The following SP7 variants were observed in gnomAD, a reference collection of about 807,000 sequenced individuals.
SP7 encodes transcription factor Sp7.
In SP7, 13 loss-of-function variants were observed where a neutral mutation model predicts 27.9. The observed-to-expected ratio is 0.47, with a 90% CI of 0.30 to 0.74. The LOEUF (loss-of-function observed/expected upper bound fraction) is 0.74, where lower values mean the gene tolerates loss of function less well. Among genes scored for constraint, SP7 ranks in the 30% least tolerant of loss-of-function variants. The pLI, the probability that SP7 is intolerant of heterozygous loss-of-function variation, is 0.06. For missense variants in SP7, 525 were observed against 558.0 expected, an observed-to-expected ratio of 0.94 and a Z score of 0.60; for synonymous variants, 219 against 226.7, an observed-to-expected ratio of 0.97 and a Z score of 0.31.
chr12:53,338,527 AAGG>A (rs1196644270), upstream of SP7, among the ~76,000 whole-genome samples: 2 of 152,122 alleles, frequency 1.3e-5, no homozygotes, highest in African/African-American at 2.4e-5. Flanking sequence ...TGAAGGGGAA[AAGG>A]AGGAAGGATG....
At chr12:53,332,568 AC>A (rs1404513911) in intron 2 of SP7, among the ~76,000 whole-genome samples, 1 of 152,158 alleles carries the variant, frequency 6.6e-6, no homozygotes, top group African/African-American at 2.4e-5. Flanking sequence ...ACACAGCAAG[AC>A]CCTGTCTCAA....
At chr12:53,343,142 A>C (rs1277443476) in intron 1 of SP7, among the ~76,000 whole-genome samples, 5 of 144,778 alleles carry the variant, frequency 3.5e-5, no homozygotes, top group Non-Finnish European at 1.5e-5. Context: ...CAAAAAATAC[A>C]AAAAAAAAAA....
At position 53,329,283 on chromosome 12, in the gene SP7, G is replaced by A. The variant is rs374542718; in HGVS notation, c.159C>T (p.Asp53=). The A allele has an allele frequency of 3.7e-6, 6 of 1,613,852 alleles. 1 individual carries two copies. The Admixed American group carries it at 5.0e-5, about 13-fold the overall frequency. The change falls in exon 3 of 3, where the codon GAC becomes GAT. Residue 53 remains aspartate, a synonymous_variant. Transcript: ENST00000536324. ...CCCCCATGGTTTTGGAGGCTGAAAG[G>A]TCACTGCCCACAGAGTACGGCTTCT... ...GTKKPYSVGS[D]LSASKTMGDA... is the part of the protein sequence containing the mutation.
In SP7 at chr12:53,334,331, TACACACAC is replaced by T. The variant is rs57611228; in HGVS notation, c.21+1287_21+1294del. On this transcript the variant is annotated intron_variant, in intron 2 of 2. Coordinates refer to ENST00000536324, the MANE Select transcript of SP7 (RefSeq NM_001173467.3). ...CTCACAGCACTCAGATGGCCCAACT[TACACACAC>T]ACACACACACACACACACACACACA... 5.3e-3 allele frequency among the ~76,000 whole-genome samples: 738 copies of T among 139,562 alleles called. 2 individuals are homozygous for T. Among genetic ancestry groups the T allele is most frequent in the South Asian group, 0.031 (126 of 4,120 alleles). The allele number at this position is 139,562 out of a possible 152,430, so 91.6% of individuals were successfully genotyped here.
chr12:53,327,921 C>A lies in SP7; in HGVS notation c.*225G>T. Reference sequence around the variant, plus strand: ...CAGGTATCAGGCACAAGGGGAGGGCCTGAGATGAGAGTTTGTGGAAAGCCA... The same window carrying A: ...CAGGTATCAGGCACAAGGGGAGGGCATGAGATGAGAGTTTGTGGAAAGCCA... On this transcript the variant is annotated 3_prime_UTR_variant, in exon 3 of 3. Coordinates refer to ENST00000536324, the MANE Select transcript of SP7 (RefSeq NM_001173467.3). 1 of 533,708 alleles carries A rather than the reference C, an allele frequency of 1.9e-6. No individual in the cohort carries two copies. The highest frequency in any genetic ancestry group is 3.1e-5 in the East Asian group (1 of 31,992). 33.1% of individuals were successfully genotyped at this position (533,708 alleles called of 1,614,324 possible). A position where few individuals can be genotyped will look rare whatever the true frequency, so the allele number is the denominator to read the frequency against.
chr12:53,330,194 G>T (rs942723280), intron 2 of SP7, among the ~76,000 whole-genome samples: 1 of 151,952 alleles, frequency 6.6e-6, no homozygotes, highest in African/African-American at 2.4e-5. Context: ...GATTACAGCC[G>T]CACGCCACCA....
At chr12:53,343,718 T>TGTG (rs1284135312) in intron 1 of SP7, among the ~76,000 whole-genome samples, 1 of 152,002 alleles carries the variant, frequency 6.6e-6, no homozygotes, top group Non-Finnish European at 1.5e-5. Flanking sequence ...CCAAGCAAGA[T>TGTG]GTGGGAAGGT....
intron 1 of SP7, among the ~76,000 whole-genome samples, chr12:53,343,648 T>C (rs2136856349): frequency 6.6e-6 from 1 of 152,280 alleles, no homozygotes; most frequent in Non-Finnish European, 1.5e-5. Context: ...TGCCTAGCAG[T>C]ATTGTCACAG....
chr12:53,334,373 C>T (rs561994766), intron 2 of SP7, among the ~76,000 whole-genome samples: 34 of 151,344 alleles, frequency 2.2e-4, no homozygotes, highest in African/African-American at 8.3e-4. Context: ...CACACACACA[C>T]ACTCTCAGGG....
At position 53,329,381 on chromosome 12, in the gene SP7, T is replaced by G. The variant is rs1225834972; in HGVS notation, c.61A>C (p.Thr21Pro). 6.2e-7 allele frequency: 1 copy of G among 1,613,928 alleles called. No homozygotes were observed. Among genetic ancestry groups the G allele is most frequent in the Admixed American group, 1.7e-5 (1 of 60,012 alleles). Residue 21 changes from threonine (T) to proline (P), a missense_variant, in exon 3 of 3, where the codon ACG becomes CCG. By Grantham distance (38) the Thr-to-Pro change is conservative (BLOSUM62 -1). Transcript: ENST00000536324. Reference protein sequence around the residue: ...HYGSSPLAMLTAACSKFGGSS... With the variant: ...HYGSSPLAMLPAACSKFGGSS... ...CCACCAAATTTGCTGCACGCTGCCG[T>G]CAGCATGGCCAGGGGACTGGAGCCA...
At chr12:53,334,971 CAAGCGG>C (rs1208519891) in intron 2 of SP7, among the ~76,000 whole-genome samples, 2 of 152,206 alleles carry the variant, frequency 1.3e-5, no homozygotes, top group African/African-American at 4.8e-5. Context: ...GTAAGCCGGG[CAAGCGG>C]CCTCAGACCC....
Position 53,327,934 on chromosome 12 carries a change from T to C in SP7, c.*212A>G, listed in dbSNP as rs1944650814. 3.7e-6 allele frequency: 2 copies of C among 541,878 alleles called. No individual in the cohort carries two copies. Among genetic ancestry groups the C allele is most frequent in the Non-Finnish European group, 6.4e-6 (2 of 311,480 alleles). The allele number at this position is 541,878 out of a possible 1,614,324, so 33.6% of individuals were successfully genotyped here. A position where few individuals can be genotyped will look rare whatever the true frequency, so the allele number is the denominator to read the frequency against. ...CAAGGGGAGGGCCTGAGATGAGAGT[T>C]TGTGGAAAGCCAGTCTCATGGTGAA... On this transcript the variant is annotated 3_prime_UTR_variant, in exon 3 of 3. Coordinates refer to ENST00000536324, the MANE Select transcript of SP7 (RefSeq NM_001173467.3).
At chr12:53,331,702 C>T (rs535014667) in intron 2 of SP7, among the ~76,000 whole-genome samples, 1 of 152,184 alleles carries the variant, frequency 6.6e-6, no homozygotes, top group Admixed American at 6.5e-5. Context: ...CAAAATCTAC[C>T]CCTATACAGT....
Position 53,329,075 on chromosome 12 carries a change from G to A in SP7, c.367C>T (p.Pro123Ser). The change falls in exon 3 of 3, where the codon CCC becomes TCC. Residue 123 changes from proline to serine, a missense_variant. Coordinates refer to ENST00000536324, the MANE Select transcript of SP7 (RefSeq NM_001173467.3). ...PKGHSSSDCL[P>S]SVYTSLDMTH... The stretch of plus-strand genomic sequence containing the variant: ...ATGTCCAGAGAGGTGTAGACACTGG[G>A]CAGACAGTCAGAAGAGCTGTGCCCC... 3 of 1,613,848 alleles carry A rather than the reference G, an allele frequency of 1.9e-6. No homozygotes were observed. Among genetic ancestry groups the A allele is most frequent in the Non-Finnish European group, 2.5e-6 (3 of 1,179,882 alleles).
At chr12:53,342,260 T>A (rs1944830844) in intron 1 of SP7, among the ~76,000 whole-genome samples, 2 of 146,276 alleles carry the variant, frequency 1.4e-5, no homozygotes, top group Admixed American at 1.4e-4. Context: ...AGACTCCATT[T>A]AAAAAAAAAA....
rs1003913446 is a variant in SP7, at chr12:53,328,620, A to G, written c.822T>C (p.Asn274=). The change falls in exon 3 of 3, where the codon AAT becomes AAC. Residue 274 remains asparagine (N), a synonymous_variant. Coordinates refer to ENST00000536324, the MANE Select transcript of SP7 (RefSeq NM_001173467.3). The surrounding 1 kb of genome is among the most constrained non-coding windows in gnomAD (Gnocchi z 5.1). ...GAGRSSCDCP[N]CQELERLGAA... ...CTCCCAGCCGCTCTAGCTCCTGGCA[A>G]TTAGGGCAGTCGCAGGAGGAGCGCC... 6 of 1,610,366 alleles carry G rather than the reference A, an allele frequency of 3.7e-6. No individual in the cohort carries two copies. Among genetic ancestry groups the G allele is most frequent in the Non-Finnish European group, 5.1e-6 (6 of 1,177,234 alleles).
intron 2 of SP7, among the ~76,000 whole-genome samples, chr12:53,331,199 C>T (rs748842341): frequency 6.6e-6 from 1 of 152,194 alleles, no homozygotes; most frequent in Non-Finnish European, 1.5e-5. Context: ...TAGCCAGGCG[C>T]GGTGGCTCAC....
Position 53,328,082 on chromosome 12 carries a change from A to C in SP7, c.*64T>G. ...GGGGTAAAGAGAGTGATTGGCAAGC[A>C]GTGGTCTAGAGAGCCAAGAGAGACT... On this transcript the variant is annotated 3_prime_UTR_variant, in exon 3 of 3. Coordinates refer to ENST00000536324, the MANE Select transcript of SP7 (RefSeq NM_001173467.3). This position sits in a 1 kb window ranked among gnomAD's most constrained non-coding sequence, Gnocchi z 5.1. 1.4e-6 allele frequency: 2 copies of C among 1,438,528 alleles called. No individual in the cohort carries two copies. Among genetic ancestry groups the C allele is most frequent in the Non-Finnish European group, 1.9e-6 (2 of 1,075,242 alleles). The allele number at this position is 1,438,528 out of a possible 1,614,324, so 89.1% of individuals were successfully genotyped here. A position where few individuals can be genotyped will look rare whatever the true frequency, so the allele number is the denominator to read the frequency against.
In SP7 at chr12:53,328,087, T is replaced by A. The variant is rs140159335; in HGVS notation, c.*59A>T. ...AAAGAGAGTGATTGGCAAGCAGTGG[T>A]CTAGAGAGCCAAGAGAGACTGTCAG... On this transcript the variant is annotated 3_prime_UTR_variant, in exon 3 of 3. Transcript: ENST00000536324. The surrounding 1 kb of genome is among the most constrained non-coding windows in gnomAD (Gnocchi z 5.1). The A allele has an allele frequency of 0.013, 19,817 of 1,477,294 alleles. 226 individuals are homozygous for A. Among genetic ancestry groups the A allele is most frequent in the South Asian group, 0.043 (3,228 of 75,654 alleles). The allele number at this position is 1,477,294 out of a possible 1,614,324, so 91.5% of individuals were successfully genotyped here. A position where few individuals can be genotyped will look rare whatever the true frequency, so the allele number is the denominator to read the frequency against.
Sources: allele counts gnomAD v4.1 joint callset (sites outside exome capture counted in the v4.1 genomes callset), GRCh38; gene constraint gnomAD v4.1.1; non-coding constraint Gnocchi (gnomAD v3.1); transcripts MANE v1.5; gene names NCBI Gene and HGNC (gene_info 2026-07-23, HGNC 2026-07-21).